The following PAG1 variants were observed in gnomAD, a reference collection of about 807,000 sequenced individuals.
PAG1 encodes phosphoprotein membrane anchor with glycosphingolipid microdomains 1, also known as phosphoprotein associated with glycosphingolipid-enriched microdomains 1.
PAG1 carries 23 observed loss-of-function variants against 31.7 expected under a neutral mutation model. The observed-to-expected ratio is 0.73, with a 90% CI of 0.52 to 1.03. The LOEUF is 1.03. Ranked by LOEUF, PAG1 falls within the 50% of genes least tolerant of loss-of-function variation. PAG1 has a pLI of 0.00. For synonymous variants in PAG1, 214 were observed against 210.3 expected, an observed-to-expected ratio of 1.02 and a Z score of -0.15; for missense variants, 473 against 540.7, an observed-to-expected ratio of 0.87 and a Z score of 1.24.
chr8:81,045,460 C>T (rs1808625951), intron 2 of PAG1, among the ~76,000 whole-genome samples: 1 of 152,292 alleles, frequency 6.6e-6, no homozygotes, highest in East Asian at 1.9e-4. Flanking sequence ...TGACTGTCTC[C>T]TTCATTAAAG....
At chr8:81,087,163 T>G (rs891258278) in intron 1 of PAG1, among the ~76,000 whole-genome samples, 1 of 152,034 alleles carries the variant, frequency 6.6e-6, no homozygotes, top group African/African-American at 2.4e-5. Context: ...ACCAACATGG[T>G]GAAACCCCGT....
At chr8:81,051,181 G>GA (rs1462188240) in intron 2 of PAG1, among the ~76,000 whole-genome samples, 1 of 152,194 alleles carries the variant, frequency 6.6e-6, no homozygotes, top group Non-Finnish European at 1.5e-5. Context: ...AGTTAAGCCT[G>GA]AAGGCTCTGC....
At chr8:81,100,516 T>G (rs1809592650) in intron 1 of PAG1, among the ~76,000 whole-genome samples, 1 of 152,178 alleles carries the variant, frequency 6.6e-6, no homozygotes, top group Non-Finnish European at 1.5e-5. Flanking sequence ...CAGATGCCAG[T>G]AGCATCCCCA....
chr8:81,003,027 T>C (rs1288013401), intron 3 of PAG1, among the ~76,000 whole-genome samples: 2 of 152,218 alleles, frequency 1.3e-5, no homozygotes, highest in Admixed American at 1.3e-4. Flanking sequence ...TCTTGTAGAA[T>C]GGAACTTCCC....
intron 2 of PAG1, among the ~76,000 whole-genome samples, chr8:81,039,789 A>G (rs1385758179): frequency 6.6e-6 from 1 of 152,236 alleles, no homozygotes; most frequent in Non-Finnish European, 1.5e-5. Flanking sequence ...ATAACTTCAA[A>G]TGAACATCAA....
intron 2 of PAG1, among the ~76,000 whole-genome samples, chr8:81,034,639 G>C (rs988754288): frequency 7.9e-5 from 12 of 152,210 alleles, no homozygotes. Flanking sequence ...GAGTAAGAAA[G>C]GTTCTTCTGT....
intron 2 of PAG1, among the ~76,000 whole-genome samples, chr8:81,041,560 C>T (rs183883601): frequency 4.1e-4 from 63 of 152,170 alleles, no homozygotes; most frequent in Non-Finnish European, 7.4e-4. Context: ...GATGACTTTG[C>T]GGAGGAAAGC....
chr8:81,095,667 G>GA (rs1809517320), intron 1 of PAG1, among the ~76,000 whole-genome samples: 1 of 152,140 alleles, frequency 6.6e-6, no homozygotes, highest in Admixed American at 6.5e-5. Context: ...TTTCCACTAG[G>GA]AAGTAAGGGT....
chr8:80,984,976 C>T lies in PAG1; in HGVS notation c.676G>A (p.Glu226Lys), dbSNP rs1219467762. The change falls in exon 7 of 9, where the codon GAA becomes AAA. Residue 226 changes from glutamate (E) to lysine (K), a missense_variant. Glu to Lys is a moderately conservative substitution (Grantham distance 56). Coordinates refer to ENST00000220597, the MANE Select transcript of PAG1 (RefSeq NM_018440.4). Reference protein sequence around the residue: ...PQTEGKAEFAEYASVDRNKKC... With the variant: ...PQTEGKAEFAKYASVDRNKKC... ...TTGTTTCTGTCCACCGAGGCATATTCAGCAAACTCAGCTTTGCCTTCAGTC... is the reference window on the plus strand; with the variant it reads ...TTGTTTCTGTCCACCGAGGCATATTTAGCAAACTCAGCTTTGCCTTCAGTC... The T allele has an allele frequency of 1.9e-6, 3 of 1,614,194 alleles. No individual in the cohort carries two copies. Among genetic ancestry groups the T allele is most frequent in the Non-Finnish European group, 2.5e-6 (3 of 1,180,030 alleles).
rs376603035 is a variant in PAG1 at position 81,050,266 on chromosome 8, T to C, written c.-175+19846A>G. On this transcript the variant is annotated intron_variant, in intron 2 of 8. Transcript: ENST00000220597. The stretch of plus-strand genomic sequence containing the variant: ...CAGCATTTTGCAATGAAGCATTTAA[T>C]CCTCTTATTAAATGAATGAGAATTT... Among the ~76,000 whole-genome samples, 9 of 152,340 alleles carry C rather than the reference T, an allele frequency of 5.9e-5. 2 individuals are homozygous for C. The highest frequency in any genetic ancestry group is 3.3e-4 in the Admixed American group (5 of 15,302).
At chr8:81,073,568 T>C (rs1809127950) in intron 1 of PAG1, among the ~76,000 whole-genome samples, 1 of 152,214 alleles carries the variant, frequency 6.6e-6, no homozygotes, top group Non-Finnish European at 1.5e-5. Context: ...GGATATGCAG[T>C]TCTTCCTAGT....
At chr8:81,012,874 T>C (rs888222547) in intron 3 of PAG1, among the ~76,000 whole-genome samples, 18 of 152,244 alleles carry the variant, frequency 1.2e-4, no homozygotes, top group Non-Finnish European at 2.1e-4. Flanking sequence ...CAAACTCGCA[T>C]TGATCAAGCC....
At chr8:80,988,051 C>A (rs1327190503) in intron 5 of PAG1, among the ~76,000 whole-genome samples, 1 of 152,230 alleles carries the variant, frequency 6.6e-6, no homozygotes, top group Non-Finnish European at 1.5e-5. Flanking sequence ...ACTTCCAGCA[C>A]TGCAGAAAGT....
intron 2 of PAG1, among the ~76,000 whole-genome samples, chr8:81,040,008 A>G (rs1275916682): frequency 6.6e-6 from 1 of 152,120 alleles, no homozygotes; most frequent in Non-Finnish European, 1.5e-5. Flanking sequence ...ATTCCTAGGG[A>G]ATTTTTTTGC....
rs1428507486 is a variant in PAG1, at chr8:80,970,400, C to T, written c.*6144G>A. 2 of 152,754 alleles carry T rather than the reference C, an allele frequency of 1.3e-5. No individual in the cohort carries two copies. The highest frequency in any genetic ancestry group is 2.9e-5 in the Non-Finnish European group (2 of 68,116). The allele number at this position is 152,754 out of a possible 1,614,324, so 9.5% of individuals were successfully genotyped here. A position where few individuals can be genotyped will look rare whatever the true frequency, so the allele number is the denominator to read the frequency against. Reference sequence around the variant, plus strand: ...GTGCTGGGATTACAGGCATGAGCCACTGCACCCGGCCTAAAAATGATTACT... The same window carrying T: ...GTGCTGGGATTACAGGCATGAGCCATTGCACCCGGCCTAAAAATGATTACT... On this transcript the variant is annotated 3_prime_UTR_variant, in exon 9 of 9. Transcript: ENST00000220597.
intron 1 of PAG1, among the ~76,000 whole-genome samples, chr8:81,097,119 G>A (rs1263413497): frequency 6.6e-6 from 1 of 152,176 alleles, no homozygotes; most frequent in African/African-American, 2.4e-5. Flanking sequence ...TGCATCCCCA[G>A]GGAAAGCATT....
chr8:81,087,724 G>T (rs1488816596), intron 1 of PAG1, among the ~76,000 whole-genome samples: 1 of 152,174 alleles, frequency 6.6e-6, no homozygotes, highest in Admixed American at 6.5e-5. Context: ...CTAATGTTTC[G>T]GGGATAAGCG....
chr8:81,104,781 A>G (rs1462185785), intron 1 of PAG1, among the ~76,000 whole-genome samples: 1 of 152,048 alleles, frequency 6.6e-6, no homozygotes, highest in African/African-American at 2.4e-5. Flanking sequence ...CCAGTATTCA[A>G]AAGCTTTTTT....
At chr8:81,020,757 A>G (rs1395822315) in intron 3 of PAG1, among the ~76,000 whole-genome samples, 2 of 152,198 alleles carry the variant, frequency 1.3e-5, no homozygotes, top group East Asian at 3.8e-4. Context: ...AAAAGTGCCG[A>G]AAATGATGGG....
Sources: gnomAD v4.1 joint callset for allele counts (sites outside exome capture counted in the v4.1 genomes callset) on GRCh38, gnomAD v4.1.1 for gene constraint, MANE v1.5 for transcripts, NCBI Gene and HGNC (gene_info 2026-07-23, HGNC 2026-07-21) for gene names.